Variants in DGKB observed in about 807,000 individuals in gnomAD.
DGKB encodes the protein diacylglycerol kinase beta.
A neutral mutation model predicts 114.3 loss-of-function variants in DGKB; 67 were observed. That is an observed-to-expected ratio of 0.59 (90% CI 0.48 to 0.72). The LOEUF (loss-of-function observed/expected upper bound fraction) is 0.72, where lower values mean the gene tolerates loss of function less well. Ranked by LOEUF, DGKB falls within the 30% of genes least tolerant of loss-of-function variation. The pLI is 0.00. For missense variants in DGKB, 907 were observed against 975.2 expected, an observed-to-expected ratio of 0.93 and a Z score of 0.93; for synonymous variants, 398 against 323.1, an observed-to-expected ratio of 1.23 and a Z score of -2.49.
intron 4 of DGKB, among the ~76,000 whole-genome samples, chr7:14,747,775 G>GCGCGCGCGCGCGCGCGCGCACACACACA: frequency 7.8e-4 from 116 of 149,274 alleles, no homozygotes; most frequent in African/African-American, 2.8e-3. Flanking sequence ...ACATCCACGC[G>GCGCGCGCGCGCGCGCGCGCACACACACA]CACGCACACA....
At chr7:14,744,285 C>A (rs765036586) in intron 4 of DGKB, among the ~76,000 whole-genome samples, 4 of 152,166 alleles carry the variant, frequency 2.6e-5, no homozygotes, top group Non-Finnish European at 5.9e-5. Context: ...AATTCATTTT[C>A]TCTGGCAACA....
intron 2 of DGKB, among the ~76,000 whole-genome samples, chr7:14,787,426 T>C (rs1840057134): frequency 6.6e-6 from 1 of 152,178 alleles, no homozygotes; most frequent in Non-Finnish European, 1.5e-5. Flanking sequence ...GTATCTTTTA[T>C]GTTAATTCCA....
chr7:14,794,146 GT>G (rs1436228715), intron 2 of DGKB, among the ~76,000 whole-genome samples: 1 of 152,064 alleles, frequency 6.6e-6, no homozygotes, highest in Non-Finnish European at 1.5e-5. Flanking sequence ...CAATAAATCT[GT>G]TCTGTTTCTC....
At chr7:14,945,561 A>G (rs960899988) in intron 1 of DGKB, among the ~76,000 whole-genome samples, 2 of 151,788 alleles carry the variant, frequency 1.3e-5, no homozygotes, top group African/African-American at 4.8e-5. Context: ...AATGTTAGCA[A>G]CTGTAGTAAT....
intron 23 of DGKB, among the ~76,000 whole-genome samples, chr7:14,305,634 A>G (rs1804339252): frequency 6.6e-6 from 1 of 152,168 alleles, no homozygotes; most frequent in Non-Finnish European, 1.5e-5. Flanking sequence ...CGATCCATCA[A>G]ATGGCACAAT....
rs564443535 is a variant in DGKB at position 14,959,438 on chromosome 7, A to G, written c.-188+15258T>C. On this transcript the variant is annotated intron_variant, in intron 1 of 4. Coordinates refer to the DGKB transcript ENST00000437998. ...GCATTTTAGATGGGAGGGGAGTTAT[A>G]TGCCTTTGTTCCTTCAATCTGACAT... is the stretch of plus-strand genomic sequence containing the variant. Among the ~76,000 whole-genome samples the G allele has an allele frequency of 7.9e-5, 12 of 151,762 alleles. No individual in the cohort carries two copies. In the South Asian group the frequency reaches 2.3e-3, roughly 29 times the overall value.
At chr7:14,860,431 T>C (rs10249790) in intron 1 of DGKB, among the ~76,000 whole-genome samples, 16,138 of 151,998 alleles carry the variant, frequency 0.11, 1,608 homozygotes, top group East Asian at 0.29. Context: ...GTGTGCTTGA[T>C]GCCTAACAAA....
At chr7:14,170,936 C>T (rs1002998000) in intron 25 of DGKB, among the ~76,000 whole-genome samples, 1 of 152,062 alleles carries the variant, frequency 6.6e-6, no homozygotes, top group African/African-American at 2.4e-5. Context: ...GGGAGGGGAA[C>T]TGGCAGTCAA....
At chr7:14,189,564 T>A (rs796604178) in intron 23 of DGKB, among the ~76,000 whole-genome samples, 28 of 152,168 alleles carry the variant, frequency 1.8e-4, no homozygotes, top group African/African-American at 6.7e-4. Context: ...CTAACAATAA[T>A]AACCTTGAAT....
chr7:14,750,560 C>T lies in DGKB; in HGVS notation c.168+3368G>A, dbSNP rs575295924. 6.6e-5 allele frequency among the ~76,000 whole-genome samples: 10 copies of T among 152,162 alleles called. No individual in the cohort carries two copies. In the East Asian group the frequency reaches 1.7e-3, roughly 27 times the overall value. On this transcript the variant is annotated intron_variant, in intron 4 of 25. Transcript: ENST00000402815. ...TGTTCTTACTTGATTGGACTGCTTCCATAACTCATATCTAGTCTTCTCTTC... is the reference window on the plus strand; with the variant it reads ...TGTTCTTACTTGATTGGACTGCTTCTATAACTCATATCTAGTCTTCTCTTC...
chr7:14,191,155 C>A, intron 23 of DGKB: 1 of 173,534 alleles, frequency 5.8e-6, no homozygotes, highest in Non-Finnish European at 1.3e-5. Context: ...GCTGCTGGTG[C>A]TGGTGAATTT....
In DGKB at chr7:14,478,450, T is replaced by C. The variant is rs188673029; in HGVS notation, c.1771-225A>G. On this transcript the variant is annotated intron_variant, in intron 20 of 25. Coordinates refer to ENST00000402815, the MANE Select transcript of DGKB (RefSeq NM_001350709.2). ...TACGTAATAATTTCACAATTGATTA[T>C]TTGTTACATTTACATCTAAGACTTT... Among the ~76,000 whole-genome samples, 632 of 152,090 alleles carry C rather than the reference T, an allele frequency of 4.2e-3. 5 individuals carry two copies. The highest frequency in any genetic ancestry group is 0.015 in the African/African-American group (615 of 41,362).
chr7:14,880,703 C>T (rs924298214), intron 1 of DGKB, among the ~76,000 whole-genome samples: 1 of 152,098 alleles, frequency 6.6e-6, no homozygotes, highest in Non-Finnish European at 1.5e-5. Flanking sequence ...GAAGTTTATG[C>T]TCTTTTTAAC....
chr7:14,792,730 G>GCATAACC (rs1554277350), intron 2 of DGKB, among the ~76,000 whole-genome samples: 2 of 151,336 alleles, frequency 1.3e-5, no homozygotes, highest in Non-Finnish European at 2.9e-5. Flanking sequence ...TCATCTTTTT[G>GCATAACC]CATAATCTTT....
chr7:14,220,508 C>T (rs1789763885), intron 23 of DGKB, among the ~76,000 whole-genome samples: 1 of 151,594 alleles, frequency 6.6e-6, no homozygotes, highest in African/African-American at 2.4e-5. Context: ...TACTACCACA[C>T]TGTCTTGATT....
rs138453439 is a variant in DGKB at position 14,543,559 on chromosome 7, T to A, written c.1770+30653A>T. Among the ~76,000 whole-genome samples the A allele has an allele frequency of 5.0e-3, 756 of 152,326 alleles. 5 individuals carry two copies. The highest frequency in any genetic ancestry group is 0.018 in the African/African-American group (737 of 41,574). On this transcript the variant is annotated intron_variant, in intron 20 of 25. Transcript: ENST00000402815. ...TTGCATTTTGATAGTGCCCTCTCAA[T>A]ACCAGCTGCACGAACTTGAGAAAAT...
rs552718476 is a variant in DGKB at position 14,605,773 on chromosome 7, T to A, written c.1433+1661A>T. 2.0e-5 allele frequency among the ~76,000 whole-genome samples: 3 copies of A among 152,222 alleles called. No homozygotes were observed. The East Asian group carries it at 5.8e-4, about 29-fold the overall frequency. On this transcript the variant is annotated intron_variant, in intron 17 of 25. Transcript: ENST00000402815. ...TAGTGCTACAAAACAGTCATGTTTTTATTAATTATTAATTCATATTTGTAC... is the reference window on the plus strand; with the variant it reads ...TAGTGCTACAAAACAGTCATGTTTTAATTAATTATTAATTCATATTTGTAC...
At chr7:14,227,782 C>T (rs1219473300) in intron 23 of DGKB, among the ~76,000 whole-genome samples, 1 of 151,984 alleles carries the variant, frequency 6.6e-6, no homozygotes, top group African/African-American at 2.4e-5. Flanking sequence ...CAAAAAGCAG[C>T]AGGCAAAATG....
Position 14,830,908 on chromosome 7 carries a change from C to T in DGKB, c.70+10286G>A, listed in dbSNP as rs1027524859. ...ATATTTGTAAGAAAAACTGTGTGCA[C>T]ACACATGCACATGTGTGTGCATGTG... On this transcript the variant is annotated intron_variant, in intron 2 of 25. Coordinates refer to ENST00000402815, the MANE Select transcript of DGKB (RefSeq NM_001350709.2). Among the ~76,000 whole-genome samples the T allele has an allele frequency of 1.1e-4, 17 of 151,902 alleles. No homozygotes were observed. The East Asian group carries it at 2.9e-3, about 26-fold the overall frequency.
Sources: gnomAD v4.1 joint callset for allele counts (sites outside exome capture counted in the v4.1 genomes callset) on GRCh38, gnomAD v4.1.1 for gene constraint, MANE v1.5 for transcripts, NCBI Gene and HGNC (gene_info 2026-07-23, HGNC 2026-07-21) for gene names.